The following KCNAB1 variants were observed in gnomAD, a reference collection of about 807,000 sequenced individuals.
KCNAB1 encodes the protein potassium voltage-gated channel subfamily A regulatory beta subunit 1, also known as voltage-gated potassium channel subunit beta-1.
Under a neutral mutation model 64.6 loss-of-function variants are expected in KCNAB1, and 35 were observed. The observed-to-expected ratio is 0.54, with a 90% CI of 0.41 to 0.72. The LOEUF is 0.72. Among genes scored for constraint, KCNAB1 ranks in the 30% least tolerant of loss-of-function variants. The pLI is 0.00. For missense variants in KCNAB1, 401 were observed against 512.9 expected (o/e 0.78, Z 2.11); for synonymous variants, 177 against 183.8 (o/e 0.96, Z 0.30).
intron 3 of KCNAB1, among the ~76,000 whole-genome samples, chr3:156,455,055 C>A (rs1168176028): frequency 6.6e-6 from 1 of 152,166 alleles, no homozygotes; most frequent in Non-Finnish European, 1.5e-5. Flanking sequence ...GCATCTGTGG[C>A]CTTCCCTGGG....
intron 2 of KCNAB1, among the ~76,000 whole-genome samples, chr3:156,423,241 T>C (rs1715583416): frequency 6.6e-6 from 1 of 152,142 alleles, no homozygotes; most frequent in Admixed American, 6.5e-5. Flanking sequence ...TGACCACATA[T>C]TTATACACTT....
At chr3:156,143,029 C>T in intron 1 of KCNAB1, 1 of 1,344,062 alleles carries the variant, frequency 7.4e-7, no homozygotes, top group Non-Finnish European at 9.5e-7. Context: ...TGCTCGCCTA[C>T]AAAAATGATA....
chr3:156,201,068 G>C (rs1393479813), intron 1 of KCNAB1, among the ~76,000 whole-genome samples: 1 of 152,186 alleles, frequency 6.6e-6, no homozygotes, highest in Non-Finnish European at 1.5e-5. Context: ...CTGGGAGAGA[G>C]AGGCTTCCTA....
chr3:156,408,331 C>G (rs150634322), intron 1 of KCNAB1, among the ~76,000 whole-genome samples: 2 of 152,282 alleles, frequency 1.3e-5, no homozygotes, highest in Non-Finnish European at 2.9e-5. Context: ...CAACATCACA[C>G]CATACTCCTT....
intron 1 of KCNAB1, among the ~76,000 whole-genome samples, chr3:156,378,026 A>G (rs1440534235): frequency 6.6e-6 from 1 of 152,188 alleles, no homozygotes; most frequent in Non-Finnish European, 1.5e-5. Flanking sequence ...TTTCTGAAGA[A>G]GGATAATTAA....
intron 8 of KCNAB1, among the ~76,000 whole-genome samples, chr3:156,494,983 C>A (rs1242407944): frequency 3.3e-5 from 5 of 152,018 alleles, no homozygotes; most frequent in Non-Finnish European, 5.9e-5. Flanking sequence ...GGTATTAAGG[C>A]CAGCATCCCT....
intron 1 of KCNAB1, among the ~76,000 whole-genome samples, chr3:156,308,483 A>T (rs1721666545): frequency 1.3e-5 from 2 of 152,234 alleles, no homozygotes; most frequent in Admixed American, 1.3e-4. Context: ...TAGTCAGTTC[A>T]TGAGGACGAT....
chr3:156,333,038 G>A (rs968656767), intron 1 of KCNAB1, among the ~76,000 whole-genome samples: 1 of 152,132 alleles, frequency 6.6e-6, no homozygotes, highest in Admixed American at 6.6e-5. Flanking sequence ...GAGATAAAAT[G>A]GGAATGGAGT....
rs548454267 is a variant in KCNAB1 at position 156,251,243 on chromosome 3, T to C, written c.275+130357T>C. On this transcript the variant is annotated intron_variant, in intron 1 of 13. Transcript: ENST00000490337. ...TTTAAGTAATTCCTGTGGTAAAATA[T>C]GTTGTGAGTTTCACACAAGGGGCTT... 2.0e-5 allele frequency among the ~76,000 whole-genome samples: 3 copies of C among 152,370 alleles called. No homozygotes were observed. The South Asian group carries it at 6.2e-4, about 32-fold the overall frequency.
At chr3:156,213,677 G>A (rs1482405108) in intron 1 of KCNAB1, among the ~76,000 whole-genome samples, 1 of 152,196 alleles carries the variant, frequency 6.6e-6, no homozygotes, top group South Asian at 2.1e-4. Flanking sequence ...CTTGTCATCT[G>A]CCTTTGTTTT....
chr3:156,501,171 C>G (rs562034125), intron 8 of KCNAB1, among the ~76,000 whole-genome samples: 16 of 152,182 alleles, frequency 1.1e-4, no homozygotes, highest in African/African-American at 3.9e-4. Context: ...TTCTCCTCCT[C>G]GGGGAACTGC....
intron 1 of KCNAB1, among the ~76,000 whole-genome samples, chr3:156,145,993 G>A (rs1342145404): frequency 6.6e-6 from 1 of 152,296 alleles, no homozygotes; most frequent in African/African-American, 2.4e-5. Flanking sequence ...GTCTGGAAGA[G>A]CCGGGTAAGC....
At chr3:156,345,195 T>A (rs1576753386) in intron 1 of KCNAB1, among the ~76,000 whole-genome samples, 2 of 152,196 alleles carry the variant, frequency 1.3e-5, no homozygotes, top group African/African-American at 2.4e-5. Flanking sequence ...GTGAAGGAAA[T>A]GGATTGACAT....
chr3:156,531,619 G>A (rs925385710), intron 13 of KCNAB1, 122 bp downstream of exon 13: 4 of 737,428 alleles, frequency 5.4e-6, no homozygotes, highest in South Asian at 3.0e-5. Flanking sequence ...GGGAACAAAG[G>A]CAACAGAACA....
At chr3:156,326,182 C>A (rs930044052) in intron 1 of KCNAB1, among the ~76,000 whole-genome samples, 2 of 152,104 alleles carry the variant, frequency 1.3e-5, no homozygotes, top group African/African-American at 2.4e-5. Context: ...CGTATTTTTG[C>A]CTTGTTGCAT....
At chr3:156,312,880 G>A (rs914379320) in intron 1 of KCNAB1, among the ~76,000 whole-genome samples, 1 of 152,138 alleles carries the variant, frequency 6.6e-6, no homozygotes, top group Non-Finnish European at 1.5e-5. Flanking sequence ...AGGCAGGGAA[G>A]GTGTTAACAA....
intron 1 of KCNAB1, among the ~76,000 whole-genome samples, chr3:156,139,489 C>G (rs538354575): frequency 1.3e-5 from 2 of 151,666 alleles, no homozygotes; most frequent in African/African-American, 4.8e-5. Context: ...TTTCATGGCT[C>G]ACATACTCAG....
chr3:156,353,012 G>A (rs1386975273), intron 1 of KCNAB1, among the ~76,000 whole-genome samples: 1 of 152,224 alleles, frequency 6.6e-6, no homozygotes, highest in African/African-American at 2.4e-5. Context: ...CAGTGGATCT[G>A]GCATTCTGTA....
intron 1 of KCNAB1, among the ~76,000 whole-genome samples, chr3:156,371,370 G>T (rs1261260487): frequency 3.9e-5 from 6 of 152,166 alleles, no homozygotes; most frequent in Non-Finnish European, 7.3e-5. Flanking sequence ...GGAGGGTAAA[G>T]TCAAACAGCA....
Sources: gnomAD v4.1 joint callset for allele counts (sites outside exome capture counted in the v4.1 genomes callset) on GRCh38, gnomAD v4.1.1 for gene constraint, MANE v1.5 for transcripts, NCBI Gene and HGNC (gene_info 2026-07-23, HGNC 2026-07-21) for gene names.